The following PKD1L3 variants were observed in gnomAD, a reference collection of about 807,000 sequenced individuals.
The protein encoded by PKD1L3 is polycystin-1-like protein 3.
A neutral mutation model predicts 184.1 loss-of-function variants in PKD1L3; 239 were observed. The ratio of observed to expected loss-of-function variants is 1.30; its 90% CI spans 1.17 to 1.45. PKD1L3 has a LOEUF of 1.45. Among genes scored for constraint, PKD1L3 ranks in the 40% most tolerant of loss-of-function variants. The pLI, the probability that PKD1L3 is intolerant of heterozygous loss-of-function variation, is 0.00. For missense variants in PKD1L3, 2,660 were observed against 2,067.2 expected (o/e 1.29, Z -5.56); for synonymous variants, 996 against 778.8 (o/e 1.28, Z -4.64).
At position 71,986,344 on chromosome 16, in the gene PKD1L3, C is replaced by T. The variant is rs983498397; in HGVS notation, c.711G>A (p.Met237Ile). Reference protein sequence around the residue: ...QPLPVITQLTMPVSVTHAGQS... With the variant: ...QPLPVITQLTIPVSVTHAGQS... ...GCCCAGCATGCGTGACAGACACGGG[C>T]ATGGTGAGCTGTGTTATCACAGGGA... Residue 237 changes from methionine (M) to isoleucine (I), a missense_variant, in exon 5 of 30, where the codon ATG (methionine) becomes ATA (isoleucine). By Grantham distance (10) the Met-to-Ile change is conservative (BLOSUM62 1). Coordinates refer to ENST00000620267, the MANE Select transcript of PKD1L3 (RefSeq NM_181536.2). 1.3e-6 allele frequency: 2 copies of T among 1,551,878 alleles called. No individual in the cohort carries two copies. Among genetic ancestry groups the T allele is most frequent in the Non-Finnish European group, 1.7e-6 (2 of 1,147,078 alleles).
chr16:71,996,951 ATTTTTTTTT>A (rs35603184), intron 2 of PKD1L3, among the ~76,000 whole-genome samples: 21 of 129,598 alleles, frequency 1.6e-4, no homozygotes, highest in African/African-American at 4.5e-4. Context: ...AATTGCTTTG[ATTTTTTTTT>A]TTTTTTTTTT....
chr16:71,937,787 C>T (rs2038231092), intron 24 of PKD1L3, among the ~76,000 whole-genome samples: 1 of 152,174 alleles, frequency 6.6e-6, no homozygotes, highest in Non-Finnish European at 1.5e-5. Flanking sequence ...CCCATGGATA[C>T]TCAGTCATTT....
chr16:71,957,213 G>C (rs2039080520), intron 16 of PKD1L3, among the ~76,000 whole-genome samples: 1 of 152,148 alleles, frequency 6.6e-6, no homozygotes, highest in Admixed American at 6.6e-5. Context: ...TCCTCTGGGA[G>C]ATTCTATGCC....
chr16:71,978,990 G>A (rs754933918), intron 9 of PKD1L3, among the ~76,000 whole-genome samples: 3 of 152,098 alleles, frequency 2.0e-5, no homozygotes, highest in Non-Finnish European at 4.4e-5. Context: ...TTTATATCTA[G>A]AGGATTCTAT....
At chr16:71,983,119 A>C (rs1371436826) in intron 6 of PKD1L3, among the ~76,000 whole-genome samples, 8 of 152,198 alleles carry the variant, frequency 5.3e-5, no homozygotes, top group Non-Finnish European at 1.0e-4. Flanking sequence ...GACTAAAAAA[A>C]GGAATGAAGA....
chr16:71,993,431 A>G, intron 2 of PKD1L3, 99 bp from the exon 3 acceptor site: 1 of 750,432 alleles, frequency 1.3e-6, no homozygotes, highest in Non-Finnish European at 2.0e-6. Flanking sequence ...AATCAGGAAA[A>G]CACAAATTAA....
Position 71,972,765 on chromosome 16 carries a change from T to C in PKD1L3, c.1953+559A>G, listed in dbSNP as rs117874120. Among the ~76,000 whole-genome samples, 82 of 152,348 alleles carry C rather than the reference T, an allele frequency of 5.4e-4. 1 individual carries two copies. The East Asian group carries it at 0.013, about 24-fold the overall frequency. On this transcript the variant is annotated intron_variant, in intron 12 of 29. Transcript: ENST00000620267. ...GCTCTTTTTAGAACAGCTTGCTGAT[T>C]TGCAAGACCTTACACCACATTCTTT... is the stretch of plus-strand genomic sequence containing the variant.
At position 71,982,122 on chromosome 16, in the gene PKD1L3, G is replaced by A. The variant is rs1597361970; in HGVS notation, c.1080C>T (p.Ser360=). Residue 360 remains serine (S), a synonymous_variant, in exon 7 of 30, where the codon TCC becomes TCT. Coordinates refer to ENST00000620267, the MANE Select transcript of PKD1L3 (RefSeq NM_181536.2). ...CTCCAGCTTTGGTGACATTGTTGAG[G>A]GAATGAAAGGGGCAGACAGTTGGAG... ...KVPPTVCPFH[S]LNNVTKAGEG... 1 of 1,551,836 alleles carries A rather than the reference G, an allele frequency of 6.4e-7. No homozygotes were observed. The highest frequency in any genetic ancestry group is 1.7e-4 in the Middle Eastern group (1 of 5,998).
At chr16:71,984,297 A>C in intron 5 of PKD1L3, 130 bp from the exon 6 acceptor site, 1 of 828,710 alleles carries the variant, frequency 1.2e-6, no homozygotes, top group South Asian at 2.1e-5. Context: ...GCTCTCTAAA[A>C]CAGTGATTAC....
At chr16:71,945,249 G>C (rs541121561) in intron 22 of PKD1L3, among the ~76,000 whole-genome samples, 1 of 122,362 alleles carries the variant, frequency 8.2e-6, no homozygotes, top group African/African-American at 3.1e-5. Context: ...TGAGGCCTAA[G>C]ATTCTGAATT....
Position 71,949,823 on chromosome 16 carries a change from AAAAT to A in PKD1L3, c.3574_3577del (p.Ile1192TyrfsTer13). 1 of 1,551,388 alleles carries A rather than the reference AAAAT, an allele frequency of 6.4e-7. No homozygotes were observed. Among genetic ancestry groups the A allele is most frequent in the South Asian group, 1.2e-5 (1 of 84,054 alleles). The stretch of plus-strand genomic sequence containing the variant: ...GATGAAGATGTTCTGAAGCACTGAT[AAAAT>A]AATTGAAATCATCCAGCTGGTGGCT... On this transcript the variant is annotated frameshift_variant, in exon 21 of 30. Transcript: ENST00000620267. LOFTEE classifies it high-confidence loss of function.
chr16:71,991,836 C>G (rs1222819562), intron 3 of PKD1L3, among the ~76,000 whole-genome samples: 2 of 152,172 alleles, frequency 1.3e-5, no homozygotes, highest in Non-Finnish European at 2.9e-5. Context: ...CTTTTACAAG[C>G]AATCTGATAG....
chr16:71,952,842 C>T (rs574656844), intron 18 of PKD1L3, 52 bp downstream of exon 18: 4 of 1,503,310 alleles, frequency 2.7e-6, no homozygotes, highest in African/African-American at 1.4e-5. Context: ...TATGTCAAAA[C>T]AAACAAGCAG....
intron 16 of PKD1L3, among the ~76,000 whole-genome samples, chr16:71,961,226 A>T (rs555014099): frequency 1.3e-5 from 2 of 152,188 alleles, no homozygotes; most frequent in South Asian, 2.1e-4. Flanking sequence ...TCCCGGGTTC[A>T]ACTTCCCTGC....
At chr16:71,931,394 C>T (rs990134937) in intron 28 of PKD1L3, among the ~76,000 whole-genome samples, 4 of 151,246 alleles carry the variant, frequency 2.6e-5, no homozygotes, top group African/African-American at 9.7e-5. Flanking sequence ...TCTGAGGATG[C>T]TTAAGTCCCT....
At chr16:71,936,978 A>C (rs1034954278) in intron 25 of PKD1L3, among the ~76,000 whole-genome samples, 1 of 152,180 alleles carries the variant, frequency 6.6e-6, no homozygotes, top group Non-Finnish European at 1.5e-5. Context: ...TTATAGCCAT[A>C]ATTCTAGTAA....
chr16:71,958,515 C>G (rs983760531), intron 16 of PKD1L3, among the ~76,000 whole-genome samples: 1 of 151,966 alleles, frequency 6.6e-6, no homozygotes, highest in African/African-American at 2.4e-5. Flanking sequence ...CGTGGTAGCT[C>G]ATGCCTGTAA....
At chr16:71,934,191 GC>G (rs2038094186) in intron 26 of PKD1L3, 66 bp from the exon 27 acceptor site, 2 of 1,431,576 alleles carry the variant, frequency 1.4e-6, no homozygotes, top group South Asian at 2.5e-5. Flanking sequence ...TTTCCCCAGC[GC>G]CCCTGCTGCT....
intron 11 of PKD1L3, among the ~76,000 whole-genome samples, chr16:71,975,174 G>T (rs564794446): frequency 6.6e-6 from 1 of 151,670 alleles, no homozygotes; most frequent in African/African-American, 2.4e-5. Flanking sequence ...TCTTGCCTCA[G>T]CCTCCCAAGT....
Sources: gnomAD v4.1 joint callset for allele counts (sites outside exome capture counted in the v4.1 genomes callset) on GRCh38, gnomAD v4.1.1 for gene constraint, MANE v1.5 for transcripts, NCBI Gene and HGNC (gene_info 2026-07-23, HGNC 2026-07-21) for gene names.